ZFHX3: variants seen among roughly 807,000 people sequenced by gnomAD.
The protein encoded by ZFHX3 is zinc finger homeobox 3.
Under a neutral mutation model 279.1 loss-of-function variants are expected in ZFHX3, and 42 were observed. The ratio of observed to expected loss-of-function variants is 0.15; its 90% CI spans 0.12 to 0.19. The LOEUF (loss-of-function observed/expected upper bound fraction) is 0.19. Ranked by LOEUF, ZFHX3 falls within the 10% of genes least tolerant of loss-of-function variation. The pLI, the probability that ZFHX3 is intolerant of heterozygous loss-of-function variation, is 1.00. For missense variants in ZFHX3, 4,981 were observed against 4,754.0 expected, an observed-to-expected ratio of 1.05 and a Z score of -1.40; for synonymous variants, 2,293 against 1,957.8, an observed-to-expected ratio of 1.17 and a Z score of -4.52.
At chr16:73,731,693 A>C (rs1199388919) in intron 1 of ZFHX3, among the ~76,000 whole-genome samples, 1 of 152,218 alleles carries the variant, frequency 6.6e-6, no homozygotes, top group Non-Finnish European at 1.5e-5. Flanking sequence ...TTCTGAAATA[A>C]GAAGTGACAG....
intron 3 of ZFHX3, among the ~76,000 whole-genome samples, chr16:73,323,530 A>G (rs957711177): frequency 1.3e-5 from 2 of 152,222 alleles, no homozygotes. Context: ...AATGGAAGTA[A>G]TAAGTATGGA....
intron 5 of ZFHX3, among the ~76,000 whole-genome samples, chr16:73,248,808 G>GT (rs998049259): frequency 3.3e-5 from 5 of 151,548 alleles, no homozygotes; most frequent in South Asian, 2.1e-4. Flanking sequence ...TTATATTGAA[G>GT]TTTTTTTTTA....
intron 3 of ZFHX3, among the ~76,000 whole-genome samples, chr16:72,949,407 C>T (rs781108027): frequency 2.0e-5 from 3 of 151,960 alleles, no homozygotes; most frequent in Non-Finnish European, 4.4e-5. Context: ...AGATTTATGG[C>T]GATTTGTACC....
chr16:72,893,775 C>CT (rs1312164597), intron 3 of ZFHX3, among the ~76,000 whole-genome samples: 1 of 152,168 alleles, frequency 6.6e-6, no homozygotes, highest in Non-Finnish European at 1.5e-5. Context: ...CTAGGGTTCT[C>CT]TCCTAGAAAA....
chr16:73,414,888 A>G (rs555741004), intron 3 of ZFHX3, among the ~76,000 whole-genome samples: 103 of 152,344 alleles, frequency 6.8e-4, no homozygotes, highest in African/African-American at 2.3e-3. Flanking sequence ...ACATTCCTCT[A>G]TTAGCCAGCA....
intron 8 of ZFHX3, chr16:73,092,676 AC>A: frequency 3.5e-6 from 1 of 286,224 alleles, no homozygotes; most frequent in Non-Finnish European, 6.8e-6. Flanking sequence ...CGGGACACAC[AC>A]GCGGGCTGGC....
intron 3 of ZFHX3, among the ~76,000 whole-genome samples, chr16:72,949,358 A>C (rs894808023): frequency 1.3e-5 from 2 of 152,184 alleles, no homozygotes; most frequent in African/African-American, 4.8e-5. Flanking sequence ...ATGAAAAGAG[A>C]GAGCGAGGGA....
At chr16:73,814,568 CTT>C (rs1242558367) in intron 1 of ZFHX3, among the ~76,000 whole-genome samples, 23 of 141,806 alleles carry the variant, frequency 1.6e-4, no homozygotes, top group Non-Finnish European at 1.6e-4. Flanking sequence ...TAGTTCACAA[CTT>C]TTTTTTTTTT....
intron 4 of ZFHX3, among the ~76,000 whole-genome samples, chr16:73,316,621 C>T (rs1567448489): frequency 1.3e-5 from 2 of 152,132 alleles, no homozygotes; most frequent in East Asian, 1.9e-4. Context: ...GAAAGGATCT[C>T]GTCTTATACT....
intron 9 of ZFHX3, among the ~76,000 whole-genome samples, chr16:72,792,441 A>C (rs2035741776): frequency 6.6e-6 from 1 of 152,078 alleles, no homozygotes; most frequent in South Asian, 2.1e-4. Flanking sequence ...TCTACCACAT[A>C]AGACCTTCTG....
intron 1 of ZFHX3, among the ~76,000 whole-genome samples, chr16:73,705,709 T>C (rs1463268369): frequency 6.6e-6 from 1 of 152,136 alleles, no homozygotes; most frequent in Non-Finnish European, 1.5e-5. Flanking sequence ...AACAATTCCA[T>C]CCACTCTCTT....
chr16:72,800,602 G>A (rs1419270373), intron 7 of ZFHX3, among the ~76,000 whole-genome samples: 1 of 152,172 alleles, frequency 6.6e-6, no homozygotes, highest in African/African-American at 2.4e-5. Context: ...AGGAGGAGGG[G>A]AGTAAGAGTG....
At chr16:73,208,301 C>A (rs1233173332) in intron 5 of ZFHX3, among the ~76,000 whole-genome samples, 1 of 152,092 alleles carries the variant, frequency 6.6e-6, no homozygotes, top group Non-Finnish European at 1.5e-5. Context: ...ACAAGTTTTC[C>A]ACTGACACAA....
chr16:73,168,201 GTTTCTTTTGT>G (rs1289508037), intron 5 of ZFHX3, among the ~76,000 whole-genome samples: 11 of 122,406 alleles, frequency 9.0e-5, no homozygotes, highest in Admixed American at 5.6e-4. Flanking sequence ...TAACACTATA[GTTTCTTTTGT>G]TTTCTTTCTT....
intron 1 of ZFHX3, among the ~76,000 whole-genome samples, chr16:73,002,635 A>G (rs1040089288): frequency 6.6e-6 from 1 of 152,170 alleles, no homozygotes; most frequent in African/African-American, 2.4e-5. Flanking sequence ...GACTTCCACT[A>G]TTTTTACAAA....
chr16:73,448,288 A>C (rs1359026110), intron 3 of ZFHX3, among the ~76,000 whole-genome samples: 2 of 152,250 alleles, frequency 1.3e-5, no homozygotes, highest in Non-Finnish European at 2.9e-5. Flanking sequence ...AACCCAAGGG[A>C]AAACAACTAT....
At chr16:73,335,442 G>A (rs565435141) in intron 3 of ZFHX3, among the ~76,000 whole-genome samples, 4 of 152,130 alleles carry the variant, frequency 2.6e-5, no homozygotes, top group African/African-American at 7.2e-5. Flanking sequence ...GTATTTCCAG[G>A]AGTAAAGTTT....
At chr16:73,663,053 C>T (rs969778680) in intron 2 of ZFHX3, among the ~76,000 whole-genome samples, 10 of 152,112 alleles carry the variant, frequency 6.6e-5, no homozygotes, top group Non-Finnish European at 1.3e-4. Context: ...GTCATCTCTT[C>T]CCTTCCAAAA....
At chr16:73,445,302 A>G (rs7501057) in intron 3 of ZFHX3, among the ~76,000 whole-genome samples, 94 of 149,808 alleles carry the variant, frequency 6.3e-4, no homozygotes, top group African/African-American at 1.5e-3. Flanking sequence ...ATGTATATGT[A>G]TGTGTGTGTG....
Sources: gnomAD v4.1 joint callset for allele counts (sites outside exome capture counted in the v4.1 genomes callset) on GRCh38, gnomAD v4.1.1 for gene constraint, MANE v1.5 for transcripts, NCBI Gene and HGNC (gene_info 2026-07-23, HGNC 2026-07-21) for gene names.